CHST11: variants seen among roughly 807,000 people sequenced by gnomAD.
CHST11 encodes carbohydrate sulfotransferase 11.
Under a neutral mutation model 30.4 loss-of-function variants are expected in CHST11, and 9 were observed. That is an observed-to-expected ratio of 0.30 (90% CI 0.18 to 0.52). The LOEUF (loss-of-function observed/expected upper bound fraction) is 0.52, where lower values mean the gene tolerates loss of function less well. Among genes scored for constraint, CHST11 ranks in the 20% least tolerant of loss-of-function variants. The probability of loss-of-function intolerance (pLI) is 0.97; values close to 1 mark genes in which losing one functional copy is unlikely to be tolerated. For missense variants in CHST11, 348 were observed against 460.6 expected (o/e 0.76, Z 2.24); for synonymous variants, 152 against 187.8 (o/e 0.81, Z 1.56).
intron 2 of CHST11, among the ~76,000 whole-genome samples, chr12:104,613,228 C>T (rs2039076790): frequency 6.6e-6 from 1 of 151,494 alleles, no homozygotes; most frequent in South Asian, 2.1e-4. Context: ...ACAGAATCAA[C>T]TTACATGTCC....
At chr12:104,589,849 A>C (rs918380926) in intron 1 of CHST11, among the ~76,000 whole-genome samples, 1 of 151,934 alleles carries the variant, frequency 6.6e-6, no homozygotes, top group African/African-American at 2.4e-5. Context: ...GTCTCTACGA[A>C]AATACAAAAA....
chr12:104,568,760 C>T (rs2136021895), intron 1 of CHST11, among the ~76,000 whole-genome samples: 1 of 152,222 alleles, frequency 6.6e-6, no homozygotes, highest in Non-Finnish European at 1.5e-5. Context: ...CAAATTAACA[C>T]AGTGAAAAAG....
intron 2 of CHST11, among the ~76,000 whole-genome samples, chr12:104,612,915 T>A (rs2039072690): frequency 6.6e-6 from 1 of 152,142 alleles, no homozygotes; most frequent in Admixed American, 6.6e-5. Flanking sequence ...TGCAGCATTG[T>A]TCACAACAGT....
At chr12:104,529,683 C>T (rs1370026758) in intron 1 of CHST11, among the ~76,000 whole-genome samples, 1 of 152,104 alleles carries the variant, frequency 6.6e-6, no homozygotes, top group Non-Finnish European at 1.5e-5. Context: ...GCCATCATTT[C>T]TGCATTCCAG....
chr12:104,542,196 A>G (rs941355880), intron 1 of CHST11, among the ~76,000 whole-genome samples: 2 of 152,364 alleles, frequency 1.3e-5, no homozygotes, highest in East Asian at 3.9e-4. Flanking sequence ...ATGGTATGGC[A>G]GTTCCCCCAA....
chr12:104,718,332 T>A, intron 2 of CHST11, among the ~76,000 whole-genome samples: 1 of 152,204 alleles, frequency 6.6e-6, no homozygotes, highest in East Asian at 1.9e-4. Context: ...CTTTCCTGGC[T>A]TGACCTCCTA....
intron 1 of CHST11, among the ~76,000 whole-genome samples, chr12:104,471,897 T>C (rs1185870369): frequency 1.3e-5 from 2 of 152,158 alleles, no homozygotes; most frequent in African/African-American, 4.8e-5. Flanking sequence ...AGTGTAGCTC[T>C]AAAGTGTTAG....
chr12:104,591,817 AT>A (rs1323153215), intron 1 of CHST11: 1 of 154,302 alleles, frequency 6.5e-6, no homozygotes, highest in African/African-American at 2.4e-5. Context: ...TAAAAGAACA[AT>A]AGAAAATGTT....
intron 2 of CHST11, among the ~76,000 whole-genome samples, chr12:104,754,989 A>G (rs1205268511): frequency 6.6e-6 from 1 of 152,188 alleles, no homozygotes; most frequent in East Asian, 1.9e-4. Flanking sequence ...GACCATCACC[A>G]TCCTTTGTCC....
intron 2 of CHST11, among the ~76,000 whole-genome samples, chr12:104,727,894 A>G (rs778826788): frequency 1.3e-5 from 2 of 152,134 alleles, no homozygotes. Context: ...CAAGGAAATG[A>G]TATCTTAGCC....
chr12:104,650,129 GA>G (rs1397936221), intron 2 of CHST11, among the ~76,000 whole-genome samples: 1 of 152,198 alleles, frequency 6.6e-6, no homozygotes, highest in Non-Finnish European at 1.5e-5. Context: ...TTGCAATAAT[GA>G]AAATTACCTA....
intron 1 of CHST11, among the ~76,000 whole-genome samples, chr12:104,571,164 A>ATT (rs56859963): frequency 0.22 from 31,010 of 142,764 alleles, 3,855 homozygotes; most frequent in East Asian, 0.43. Flanking sequence ...AGGACAGACA[A>ATT]TTTTTTTTTT....
At chr12:104,541,114 CCTCTCTCT>C (rs67646775) in intron 1 of CHST11, among the ~76,000 whole-genome samples, 4,383 of 147,678 alleles carry the variant, frequency 0.03, 190 homozygotes, top group African/African-American at 0.099. Flanking sequence ...AGAATCTCTC[CCTCTCTCT>C]CTCTCTCTCA....
chr12:104,714,619 A>ACACAGCGGCTGCTTGACGTT (rs2040114916), intron 2 of CHST11, among the ~76,000 whole-genome samples: 1 of 152,186 alleles, frequency 6.6e-6, no homozygotes, highest in Non-Finnish European at 1.5e-5. Context: ...GCTCAGCCAG[A>ACACAGCGGCTGCTTGACGTT]CACAGCGGCT....
Position 104,544,124 on chromosome 12 carries a change from T to G in CHST11, c.119-57782T>G, listed in dbSNP as rs566181856. On this transcript the variant is annotated intron_variant, in intron 1 of 2. Transcript: ENST00000303694. Reference sequence around the variant, plus strand: ...GGGCAACAGAGAGAGACCCTGTCTGTTAAAAAAAAAAAAAAAAGAAAGAAA... The same window carrying G: ...GGGCAACAGAGAGAGACCCTGTCTGGTAAAAAAAAAAAAAAAAGAAAGAAA... Among the ~76,000 whole-genome samples, 148 of 23,562 alleles carry G rather than the reference T, an allele frequency of 6.3e-3. 2 individuals are homozygous for G. Among genetic ancestry groups the G allele is most frequent in the African/African-American group, 0.024 (133 of 5,632 alleles). The allele number at this position is 23,562 out of a possible 152,430, so 15.5% of individuals were successfully genotyped here.
chr12:104,464,382 C>T (rs1468803002), intron 1 of CHST11, among the ~76,000 whole-genome samples: 1 of 152,124 alleles, frequency 6.6e-6, no homozygotes, highest in African/African-American at 2.4e-5. Context: ...CACATTTGTG[C>T]TCATCTTTGG....
At chr12:104,630,054 C>T (rs1175786711) in intron 2 of CHST11, among the ~76,000 whole-genome samples, 2 of 152,120 alleles carry the variant, frequency 1.3e-5, no homozygotes, top group African/African-American at 4.8e-5. Flanking sequence ...TTAGGTTAGC[C>T]GCATCCAGGA....
chr12:104,670,389 A>G (rs1223380778), intron 2 of CHST11, among the ~76,000 whole-genome samples: 1 of 152,038 alleles, frequency 6.6e-6, no homozygotes. Flanking sequence ...CCGTCCATGA[A>G]CTGCCTCCAT....
At chr12:104,662,341 C>T (rs969666428) in intron 2 of CHST11, among the ~76,000 whole-genome samples, 4 of 152,144 alleles carry the variant, frequency 2.6e-5, no homozygotes, top group Non-Finnish European at 5.9e-5. Context: ...TTACCTACCT[C>T]GTGGGGTGGT....
Sources: gnomAD v4.1 joint callset for allele counts (sites outside exome capture counted in the v4.1 genomes callset) on GRCh38, gnomAD v4.1.1 for gene constraint, MANE v1.5 for transcripts, NCBI Gene and HGNC (gene_info 2026-07-23, HGNC 2026-07-21) for gene names.